Variants in RNF217 observed in about 807,000 individuals in gnomAD.
RNF217 encodes E3 ubiquitin-protein ligase RNF217.
In RNF217, 31 loss-of-function variants were observed where a neutral mutation model predicts 57.8. The observed-to-expected ratio is 0.54, with a 90% CI of 0.40 to 0.72. The LOEUF is 0.72. RNF217 is among the 30% of genes least tolerant of loss of function. The pLI, the probability that RNF217 is intolerant of heterozygous loss-of-function variation, is 0.00. For synonymous variants in RNF217, 313 were observed against 294.0 expected (o/e 1.06, Z -0.66); for missense variants, 696 against 708.3 (o/e 0.98, Z 0.20).
chr6:124,967,428 G>T (rs995618800), intron 1 of RNF217, among the ~76,000 whole-genome samples: 4 of 152,252 alleles, frequency 2.6e-5, no homozygotes, highest in African/African-American at 9.6e-5. Context: ...TCATAAATAT[G>T]AAATATTAAT....
intron 1 of RNF217, among the ~76,000 whole-genome samples, chr6:125,042,268 A>G (rs1325620783): frequency 6.6e-6 from 1 of 152,142 alleles, no homozygotes; most frequent in Admixed American, 6.6e-5. Flanking sequence ...CTTGTCAACA[A>G]TGATTCCAAT....
chr6:125,059,112 A>G (rs986828835), intron 3 of RNF217, among the ~76,000 whole-genome samples: 1 of 152,192 alleles, frequency 6.6e-6, no homozygotes, highest in African/African-American at 2.4e-5. Flanking sequence ...TACTATACCA[A>G]ATTCACATAC....
At chr6:125,049,233 A>G (rs1787215170) in intron 2 of RNF217, among the ~76,000 whole-genome samples, 1 of 152,078 alleles carries the variant, frequency 6.6e-6, no homozygotes, top group Admixed American at 6.6e-5. Flanking sequence ...GCCTGGAGAT[A>G]GACACATCAC....
rs1784245053 is a variant in RNF217 at position 124,983,325 on chromosome 6, G to C, written c.882+19899G>C. ...TTCTGGTAATTATTTGGTTTTCATG[G>C]TAACTAAGATGTGGGATAGAACTCC... On this transcript the variant is annotated intron_variant, in intron 1 of 5. Transcript: ENST00000521654. 14 of 971,890 alleles carry C rather than the reference G, an allele frequency of 1.4e-5. No homozygotes were observed. The South Asian group carries it at 6.2e-4, about 43-fold the overall frequency. 60.2% of individuals were successfully genotyped at this position (971,890 alleles called of 1,614,324 possible). A position where few individuals can be genotyped will look rare whatever the true frequency, so the allele number is the denominator to read the frequency against.
At chr6:124,994,597 A>G (rs1048519446) in intron 1 of RNF217, among the ~76,000 whole-genome samples, 30 of 152,102 alleles carry the variant, frequency 2.0e-4, no homozygotes, top group Admixed American at 7.9e-4. Flanking sequence ...CAAATTGGAG[A>G]AAAAAAAGTT....
intron 3 of RNF217, among the ~76,000 whole-genome samples, chr6:125,066,173 T>A (rs1037024541): frequency 6.6e-6 from 1 of 152,192 alleles, no homozygotes; most frequent in African/African-American, 2.4e-5. Context: ...ATCGTCTTTC[T>A]CTCTGCAGGA....
At chr6:124,964,406 T>C (rs1329832223) in intron 1 of RNF217, among the ~76,000 whole-genome samples, 1 of 151,790 alleles carries the variant, frequency 6.6e-6, no homozygotes, top group Non-Finnish European at 1.5e-5. Context: ...TTCTTTCGTG[T>C]CTGCTTGTCT....
intron 3 of RNF217, among the ~76,000 whole-genome samples, chr6:125,071,484 A>ATGTG (rs61496685): frequency 0.015 from 1,983 of 136,728 alleles, 18 homozygotes; most frequent in East Asian, 0.053. Context: ...CTGCCTACAT[A>ATGTG]TGTGTGTGTG....
intron 3 of RNF217, 113 bp from the exon 4 acceptor site, chr6:125,076,544 G>A (rs1251679831): frequency 3.0e-5 from 20 of 677,314 alleles, no homozygotes; most frequent in Middle Eastern, 3.6e-4. Context: ...GGAGTGCTGT[G>A]AGAGACTTTT....
intron 1 of RNF217, among the ~76,000 whole-genome samples, chr6:125,037,743 A>G (rs542527513): frequency 7.2e-5 from 11 of 152,224 alleles, no homozygotes; most frequent in African/African-American, 2.4e-4. Flanking sequence ...TAGTAGATCT[A>G]TGTATATTTT....
At chr6:125,043,233 A>G (rs528997414) in intron 1 of RNF217, among the ~76,000 whole-genome samples, 12 of 152,116 alleles carry the variant, frequency 7.9e-5, no homozygotes, top group Admixed American at 1.3e-4. Context: ...AGTTGATCCA[A>G]TTGGGGTATG....
intron 1 of RNF217, among the ~76,000 whole-genome samples, chr6:125,026,030 G>C (rs924701629): frequency 1.3e-5 from 2 of 152,184 alleles, no homozygotes; most frequent in African/African-American, 4.8e-5. Context: ...GCTCAGTGAT[G>C]ATAGCCCATA....
intron 3 of RNF217, among the ~76,000 whole-genome samples, chr6:125,065,235 G>C (rs1023845158): frequency 2.0e-5 from 3 of 148,872 alleles, no homozygotes; most frequent in Admixed American, 6.7e-5. Context: ...AGGTTGCAGT[G>C]AGCCGAGATG....
intron 1 of RNF217, among the ~76,000 whole-genome samples, chr6:125,035,131 T>C (rs1786549642): frequency 1.3e-5 from 2 of 152,190 alleles, no homozygotes; most frequent in African/African-American, 2.4e-5. Context: ...TATACAATGA[T>C]GTCATCTGCA....
In RNF217 at chr6:125,076,840, G is replaced by A; in HGVS notation, c.1465G>A (p.Val489Met). 6.2e-7 allele frequency: 1 copy of A among 1,613,434 alleles called. No homozygotes were observed. Residue 489 changes from valine to methionine, a missense_variant, in exon 4 of 6, where the codon GTG (valine) becomes ATG (methionine). Transcript: ENST00000521654. ...AGAGAGACCTCATTTAAGGAGATTA[G>A]TGCGAGGGTCAGTCTGTGGTGAGTG... ...LPERPHLRRL[V>M]RGSVCAGKLF...
chr6:125,072,047 T>A (rs1040625014), intron 3 of RNF217, among the ~76,000 whole-genome samples: 11 of 152,178 alleles, frequency 7.2e-5, no homozygotes, highest in Non-Finnish European at 1.6e-4. Context: ...TAAGGCTTTG[T>A]GTTTTAAAAA....
At chr6:125,069,639 T>C (rs1788065234) in intron 3 of RNF217, among the ~76,000 whole-genome samples, 1 of 152,140 alleles carries the variant, frequency 6.6e-6, no homozygotes, top group Admixed American at 6.5e-5. Flanking sequence ...TTTCATGAAC[T>C]ATTTTCTTTT....
At chr6:125,050,918 G>A (rs750367155) in intron 2 of RNF217, among the ~76,000 whole-genome samples, 8 of 151,700 alleles carry the variant, frequency 5.3e-5, no homozygotes, top group Admixed American at 1.3e-4. Flanking sequence ...AGTTAAAGTC[G>A]TCTAGCCCTG....
At chr6:125,063,669 A>C (rs918997379) in intron 3 of RNF217, among the ~76,000 whole-genome samples, 1 of 128,306 alleles carries the variant, frequency 7.8e-6, no homozygotes, top group Non-Finnish European at 1.8e-5. Context: ...AAGGTTTTGC[A>C]CAATAATTAT....
Sources: allele counts gnomAD v4.1 joint callset (sites outside exome capture counted in the v4.1 genomes callset), GRCh38; gene constraint gnomAD v4.1.1; transcripts MANE v1.5; gene names NCBI Gene and HGNC (gene_info 2026-07-23, HGNC 2026-07-21).